RARB: variants seen among roughly 807,000 people sequenced by gnomAD.
RARB encodes retinoic acid receptor beta.
RARB carries 17 observed loss-of-function variants against 51.9 expected under a neutral mutation model. The observed-to-expected ratio is 0.33, with a 90% CI of 0.22 to 0.49. The LOEUF (loss-of-function observed/expected upper bound fraction) is 0.49. Ranked by LOEUF, RARB falls within the 20% of genes least tolerant of loss-of-function variation. RARB has a pLI of 0.99. For synonymous variants in RARB, 215 were observed against 195.4 expected (o/e 1.10, Z -0.84); for missense variants, 369 against 550.8 (o/e 0.67, Z 3.30).
chr3:25,342,296 A>G (rs1228357300), intron 5 of RARB, among the ~76,000 whole-genome samples: 2 of 152,240 alleles, frequency 1.3e-5, no homozygotes, highest in African/African-American at 4.8e-5. Flanking sequence ...TAATTTATAG[A>G]CTTATTGCAG....
chr3:24,850,635 G>A (rs1426761973), intron 1 of RARB, among the ~76,000 whole-genome samples: 2 of 152,126 alleles, frequency 1.3e-5, no homozygotes, highest in Non-Finnish European at 1.5e-5. Context: ...AATGATAAAT[G>A]TTCCTTGCTA....
chr3:25,466,014 C>T (rs1695412519), intron 2 of RARB, among the ~76,000 whole-genome samples: 1 of 152,080 alleles, frequency 6.6e-6, no homozygotes, highest in African/African-American at 2.4e-5. Flanking sequence ...TACTTATAAG[C>T]TTGGTGCAAC....
chr3:25,440,497 G>T (rs1398609130), intron 1 of RARB, among the ~76,000 whole-genome samples: 1 of 151,408 alleles, frequency 6.6e-6, no homozygotes, highest in Admixed American at 6.6e-5. Context: ...TCCAGGCCAG[G>T]CATGGTGGCT....
intron 2 of RARB, among the ~76,000 whole-genome samples, chr3:25,011,018 CACATTTTT>C (rs1448247828): frequency 6.6e-6 from 1 of 152,054 alleles, no homozygotes; most frequent in Non-Finnish European, 1.5e-5. Flanking sequence ...TGGCCATGTT[CACATTTTT>C]AAATGGAATC....
rs1333148527 is a variant in RARB at position 25,457,968 on chromosome 3, A to G, written c.158-3225A>G. ...TCAGTTGTTGAAGCACATGGATGGAAGTAGAAGCACACAAATCAAACCACT... is the reference window on the plus strand; with the variant it reads ...TCAGTTGTTGAAGCACATGGATGGAGGTAGAAGCACACAAATCAAACCACT... On this transcript the variant is annotated intron_variant, in intron 1 of 7. Coordinates refer to ENST00000330688, the MANE Select transcript of RARB (RefSeq NM_000965.5). Among the ~76,000 whole-genome samples, 5 of 152,332 alleles carry G rather than the reference A, an allele frequency of 3.3e-5. No homozygotes were observed. The East Asian group carries it at 9.7e-4, about 29-fold the overall frequency.
intron 3 of RARB, chr3:25,555,626 T>C (rs1157895471): frequency 6.6e-6 from 1 of 152,232 alleles, no homozygotes; most frequent in Non-Finnish European, 1.5e-5. Context: ...AAGAATTGAC[T>C]GCACGCAGCC....
chr3:25,412,576 A>C (rs551875315), intron 5 of RARB, among the ~76,000 whole-genome samples: 2 of 152,320 alleles, frequency 1.3e-5, no homozygotes, highest in South Asian at 4.1e-4. Context: ...GTTTGTTTTA[A>C]ATCTGAGTCA....
chr3:25,104,496 T>A (rs1000220480), intron 3 of RARB, among the ~76,000 whole-genome samples: 2 of 151,984 alleles, frequency 1.3e-5, no homozygotes, highest in African/African-American at 4.8e-5. Context: ...TATAAAAATT[T>A]AGCTTGGCAT....
At chr3:24,877,643 A>G (rs548393440) in intron 2 of RARB, among the ~76,000 whole-genome samples, 22 of 152,248 alleles carry the variant, frequency 1.4e-4, no homozygotes, top group Non-Finnish European at 2.2e-4. Flanking sequence ...TACATGCTGA[A>G]GAGGGAGACC....
At position 25,182,473 on chromosome 3, in the gene RARB, T is replaced by C. The variant is rs571633901; in HGVS notation, c.178+7898T>C. On this transcript the variant is annotated intron_variant, in intron 5 of 11. Transcript: ENST00000383772. ...ACCATCTAGTACTTGCCTTCATTTC[T>C]TGATGTGTAGCCAATGTAGCCAATG... Among the ~76,000 whole-genome samples the C allele has an allele frequency of 2.6e-5, 4 of 152,296 alleles. No individual in the cohort carries two copies. In the South Asian group the frequency reaches 6.2e-4, roughly 24 times the overall value.
intron 5 of RARB, among the ~76,000 whole-genome samples, chr3:25,228,180 T>A (rs967058745): frequency 6.6e-6 from 1 of 151,694 alleles, no homozygotes; most frequent in Non-Finnish European, 1.5e-5. Context: ...GAACTTCCTT[T>A]TTCATTGGAA....
chr3:25,580,725 A>G lies in RARB; in HGVS notation c.786+3A>G. On this transcript the variant is annotated splice_donor_region_variant and intron_variant, in intron 5 of 7. Coordinates refer to ENST00000330688, the MANE Select transcript of RARB (RefSeq NM_000965.5). ...AGGCCGCCTGCCTGGACATCCTGGT[A>G]TGTGCCTTTTTGAGCTCTCAATGGG... The G allele has an allele frequency of 1.9e-6, 3 of 1,596,090 alleles. No homozygotes were observed. The highest frequency in any genetic ancestry group is 2.6e-6 in the Non-Finnish European group (3 of 1,165,780).
intron 5 of RARB, among the ~76,000 whole-genome samples, chr3:25,204,698 C>G (rs572698068): frequency 7.9e-5 from 12 of 152,210 alleles, no homozygotes; most frequent in South Asian, 6.2e-4. Context: ...CACTCCAGAC[C>G]CTGTTTGCCT....
rs925305780 is a variant in RARB, at chr3:25,502,677, A to G, written c.448+1354A>G. On this transcript the variant is annotated intron_variant, in intron 3 of 7. Transcript: ENST00000330688. Reference sequence around the variant, plus strand: ...TGAACATGTAACCTAGGCTGGTTCAATGAGAGGGAATTCAAGACTCGTGCG... The same window carrying G: ...TGAACATGTAACCTAGGCTGGTTCAGTGAGAGGGAATTCAAGACTCGTGCG... Among the ~76,000 whole-genome samples, 76 of 152,168 alleles carry G rather than the reference A, an allele frequency of 5.0e-4. 2 individuals carry two copies. The highest frequency in any genetic ancestry group is 2.1e-4 in the Non-Finnish European group (14 of 68,038).
At chr3:24,907,130 C>G (rs1484820131) in intron 2 of RARB, among the ~76,000 whole-genome samples, 2 of 152,116 alleles carry the variant, frequency 1.3e-5, no homozygotes, top group Non-Finnish European at 2.9e-5. Context: ...CACTAGAATA[C>G]TTACGGTAGT....
intron 5 of RARB, among the ~76,000 whole-genome samples, chr3:25,355,029 G>A (rs1231472905): frequency 1.3e-5 from 2 of 152,078 alleles, no homozygotes; most frequent in Non-Finnish European, 2.9e-5. Flanking sequence ...GCAAGTTATA[G>A]CACCTTGCTG....
At chr3:25,265,828 G>A (rs1703112816) in intron 5 of RARB, among the ~76,000 whole-genome samples, 1 of 152,070 alleles carries the variant, frequency 6.6e-6, no homozygotes, top group Non-Finnish European at 1.5e-5. Flanking sequence ...GGCTTCACTG[G>A]CTAAAATGAA....
At chr3:25,124,796 T>A (rs544407476) in intron 3 of RARB, among the ~76,000 whole-genome samples, 17 of 152,338 alleles carry the variant, frequency 1.1e-4, no homozygotes, top group Non-Finnish European at 2.4e-4. Context: ...TGCCTCATGT[T>A]TGTTGTCAGC....
chr3:25,116,408 C>T (rs1417726572), intron 3 of RARB, among the ~76,000 whole-genome samples: 1 of 142,790 alleles, frequency 7.0e-6, no homozygotes, highest in Non-Finnish European at 1.5e-5. Context: ...CTTTATCAAA[C>T]AGAAACATCT....
Sources: gnomAD v4.1 joint callset for allele counts (sites outside exome capture counted in the v4.1 genomes callset) on GRCh38, gnomAD v4.1.1 for gene constraint, MANE v1.5 for transcripts, NCBI Gene and HGNC (gene_info 2026-07-23, HGNC 2026-07-21) for gene names.